The following RTCA variants were observed in gnomAD, a reference collection of about 807,000 sequenced individuals.
RTCA encodes the protein RNA terminal phosphate cyclase domain 1.
In RTCA, 37 loss-of-function variants were observed where a neutral mutation model predicts 46.1. The observed-to-expected ratio is 0.80, with a 90% CI of 0.62 to 1.06. The LOEUF is 1.06. Ranked by LOEUF, RTCA falls within the 50% of genes least tolerant of loss-of-function variation. RTCA has a pLI of 0.00. For missense variants in RTCA, 435 were observed against 455.5 expected (o/e 0.95, Z 0.41); for synonymous variants, 164 against 158.3 (o/e 1.04, Z -0.27).
chr1:100,278,256 C>A (rs1164182676), intron 8 of RTCA, among the ~76,000 whole-genome samples: 2 of 152,158 alleles, frequency 1.3e-5, no homozygotes, highest in Non-Finnish European at 2.9e-5. Flanking sequence ...ATTGATGATT[C>A]TTCTCTGCAT....
At position 100,266,248 on chromosome 1, in the gene RTCA, C is replaced by G. The variant is rs547600291; in HGVS notation, c.-128C>G. ...CGAGAGGCGCCGCTTCTTCCGCTTTCTCGTCAGGCTCCTGCGCCCCAGGCA... is the reference window on the plus strand; with the variant it reads ...CGAGAGGCGCCGCTTCTTCCGCTTTGTCGTCAGGCTCCTGCGCCCCAGGCA... On this transcript the variant is annotated 5_prime_UTR_variant, in exon 1 of 11. Transcript: ENST00000370128. 13 of 1,115,210 alleles carry G rather than the reference C, an allele frequency of 1.2e-5. No homozygotes were observed. The highest frequency in any genetic ancestry group is 1.6e-5 in the Non-Finnish European group (13 of 792,840). 69.1% of individuals were successfully genotyped at this position (1,115,210 alleles called of 1,614,324 possible). A position where few individuals can be genotyped will look rare whatever the true frequency, so the allele number is the denominator to read the frequency against.
At chr1:100,284,549 A>G (rs1666920017) in intron 8 of RTCA, among the ~76,000 whole-genome samples, 2 of 152,096 alleles carry the variant, frequency 1.3e-5, no homozygotes, top group African/African-American at 4.8e-5. Flanking sequence ...ATGCACCACC[A>G]TGCCCAGCTA....
rs747463204 is a variant in RTCA, at chr1:100,270,604, C to T, written c.338C>T (p.Ala113Val). ...GTCTCAATGCCGTGTGTTCTCTTTG[C>T]TGCTTCTCCATCAGAACTTCATTTG... ...MQVSMPCVLFAASPSELHLKG... is the reference protein window; with the variant it reads ...MQVSMPCVLFVASPSELHLKG... The change falls in exon 4 of 11, where the codon GCT (alanine) becomes GTT (valine). Residue 113 changes from alanine to valine, a missense_variant. Ala to Val is a moderately conservative substitution (Grantham distance 64, BLOSUM62 0). Transcript: ENST00000370128. 6.2e-7 allele frequency: 1 copy of T among 1,614,092 alleles called. No individual in the cohort carries two copies. The highest frequency in any genetic ancestry group is 1.1e-5 in the South Asian group (1 of 91,082).
intron 10 of RTCA, among the ~76,000 whole-genome samples, chr1:100,289,023 T>G (rs1667187282): frequency 6.6e-6 from 1 of 152,130 alleles, no homozygotes; most frequent in Non-Finnish European, 1.5e-5. Flanking sequence ...AGGGTTTCAC[T>G]GTGTTAGCTA....
chr1:100,268,707 T>C (rs1457347220), intron 3 of RTCA, among the ~76,000 whole-genome samples: 1 of 152,160 alleles, frequency 6.6e-6, no homozygotes, highest in Non-Finnish European at 1.5e-5. Flanking sequence ...TAAATATTCA[T>C]TGAATTAATG....
Position 100,291,966 on chromosome 1 carries a change from C to G in RTCA, c.*462C>G, listed in dbSNP as rs1667376986. The G allele has an allele frequency of 7.0e-6, 1 of 141,984 alleles. No homozygotes were observed. The highest frequency in any genetic ancestry group is 2.7e-5 in the African/African-American group (1 of 36,904). 8.8% of individuals were successfully genotyped at this position (141,984 alleles called of 1,614,324 possible). On this transcript the variant is annotated 3_prime_UTR_variant, in exon 11 of 11. Coordinates refer to ENST00000370128, the MANE Select transcript of RTCA (RefSeq NM_003729.4). ...TTTTTTTGAGACAGTCTCGTTCTGT[C>G]ACCCAGGCTGGGGTGCTGTGGTGTG... is the stretch of plus-strand genomic sequence containing the variant.
intron 8 of RTCA, among the ~76,000 whole-genome samples, chr1:100,277,783 G>A (rs545169336): frequency 2.0e-5 from 3 of 150,874 alleles, no homozygotes; most frequent in East Asian, 2.0e-4. Context: ...TATTTAGAGC[G>A]ATGTGGAATT....
intron 8 of RTCA, among the ~76,000 whole-genome samples, chr1:100,280,407 G>A (rs1666645379): frequency 6.6e-6 from 1 of 152,078 alleles, no homozygotes; most frequent in South Asian, 2.1e-4. Context: ...GAAGCAACTT[G>A]TACTTTAAAG....
chr1:100,289,337 C>T (rs961473153), intron 10 of RTCA, among the ~76,000 whole-genome samples: 1 of 151,178 alleles, frequency 6.6e-6, no homozygotes, highest in African/African-American at 2.4e-5. Flanking sequence ...GAGACGGGAT[C>T]TCCCTGTGTT....
intron 2 of RTCA, 72 bp from the exon 3 acceptor site, chr1:100,268,079 TA>T: frequency 1.3e-6 from 2 of 1,566,440 alleles, no homozygotes. Flanking sequence ...TGCAGTTTTA[TA>T]AATTTGTCAT....
Position 100,266,487 on chromosome 1 carries a change from G to A in RTCA, c.46-37G>A, listed in dbSNP as rs576718655. On this transcript the variant is annotated intron_variant, in intron 1 of 10. Transcript: ENST00000370128. ...GGAGGGGAGCTCTCACCACCGGTGT[G>A]CTTACTTCTCTTCTCCCTGTACCCC... The A allele has an allele frequency of 3.1e-6, 5 of 1,609,444 alleles. No homozygotes were observed. The South Asian group carries it at 5.5e-5, about 18-fold the overall frequency.
chr1:100,273,158 A>AT (rs1434307498), intron 4 of RTCA, among the ~76,000 whole-genome samples: 1 of 152,072 alleles, frequency 6.6e-6, no homozygotes, highest in Admixed American at 6.6e-5. Context: ...CTAAGTTCCA[A>AT]TTTTTTTCGT....
chr1:100,277,254 A>G lies in RTCA; in HGVS notation c.741-4A>G. ...AGGTAGTAATAACTTTTTTTCTTGC[A>G]TAGAATTATTGCTGAGACCTCCACT... On this transcript the variant is annotated splice_polypyrimidine_tract_variant and splice_region_variant and intron_variant, in intron 7 of 10. Transcript: ENST00000370128. 1.9e-6 allele frequency: 3 copies of G among 1,613,030 alleles called. No individual in the cohort carries two copies. The highest frequency in any genetic ancestry group is 1.1e-5 in the South Asian group (1 of 90,892).
At chr1:100,288,146 A>G (rs530822489) in intron 10 of RTCA, among the ~76,000 whole-genome samples, 113 of 152,158 alleles carry the variant, frequency 7.4e-4, no homozygotes, top group Admixed American at 1.4e-3. Flanking sequence ...AAACTAATGT[A>G]ATTTCTTTAT....
intron 8 of RTCA, among the ~76,000 whole-genome samples, chr1:100,282,834 T>C (rs997678742): frequency 6.6e-6 from 1 of 152,196 alleles, no homozygotes; most frequent in Non-Finnish European, 1.5e-5. Flanking sequence ...GAGATGGGAG[T>C]CTTACTCTCT....
At chr1:100,277,461 G>A (rs937471789) in intron 8 of RTCA, 145 bp downstream of exon 8, 5 of 777,056 alleles carry the variant, frequency 6.4e-6, no homozygotes, top group South Asian at 2.3e-5. Flanking sequence ...TACACTTTCA[G>A]ACTTTCAGTC....
At chr1:100,290,167 C>A (rs2100818516) in intron 10 of RTCA, among the ~76,000 whole-genome samples, 1 of 152,240 alleles carries the variant, frequency 6.6e-6, no homozygotes, top group East Asian at 1.9e-4. Context: ...TTCAGTAAGG[C>A]CCCCAAGTGA....
intron 8 of RTCA, among the ~76,000 whole-genome samples, chr1:100,283,935 G>GAAAAAAAAAAA (rs763030720): frequency 2.0e-4 from 11 of 55,118 alleles, no homozygotes; most frequent in African/African-American, 4.0e-4. Context: ...AAAAAAAAAA[G>GAAAAAAAAAAA]AAAAAAAAAA....
intron 4 of RTCA, among the ~76,000 whole-genome samples, chr1:100,272,125 T>G (rs1666135096): frequency 6.6e-6 from 1 of 152,252 alleles, no homozygotes; most frequent in Non-Finnish European, 1.5e-5. Context: ...AAGTTACTGT[T>G]AACATTCATA....
Sources: gnomAD v4.1 joint callset for allele counts (sites outside exome capture counted in the v4.1 genomes callset) on GRCh38, gnomAD v4.1.1 for gene constraint, MANE v1.5 for transcripts, NCBI Gene and HGNC (gene_info 2026-07-23, HGNC 2026-07-21) for gene names.